The following ATP10A variants were observed in gnomAD, a reference collection of about 807,000 sequenced individuals.
ATP10A encodes the protein phospholipid-transporting ATPase VA.
In ATP10A, 111 loss-of-function variants were observed where a neutral mutation model predicts 147.8. That is an observed-to-expected ratio of 0.75 (90% CI 0.64 to 0.88). The LOEUF (loss-of-function observed/expected upper bound fraction) is 0.88, where lower values mean the gene tolerates loss of function less well. ATP10A is among the 40% of genes least tolerant of loss of function. The probability of loss-of-function intolerance (pLI) is 0.00; values close to 1 mark genes in which losing one functional copy is unlikely to be tolerated. For synonymous variants in ATP10A, 875 were observed against 841.6 expected (o/e 1.04, Z -0.69); for missense variants, 1,927 against 1,959.0 (o/e 0.98, Z 0.31).
rs576037471 is a variant in ATP10A, at chr15:25,679,541, T to C, written c.4300A>G (p.Thr1434Ala). 1 of 1,612,954 alleles carries C rather than the reference T, an allele frequency of 6.2e-7. No homozygotes were observed. The highest frequency in any genetic ancestry group is 1.3e-5 in the African/African-American group (1 of 75,016). The change falls in exon 21 of 21, where the codon ACC becomes GCC. Residue 1434 changes from threonine (T) to alanine (A), a missense_variant. By Grantham distance (58) the Thr-to-Ala change is moderately conservative. Transcript: ENST00000555815. Reference sequence around the variant, plus strand: ...GAAATCCAGTTGAGTAAGCTGAAGGTAGGCAGGCTGAAGAGGGAAGACAGG... The same window carrying C: ...GAAATCCAGTTGAGTAAGCTGAAGGCAGGCAGGCTGAAGAGGGAAGACAGG... ...TPLSSLFSLPTFSLLNWISSW... is the reference protein window; with the variant it reads ...TPLSSLFSLPAFSLLNWISSW...
At chr15:25,681,970 C>T (rs369806118) in intron 17 of ATP10A, among the ~76,000 whole-genome samples, 15 of 148,838 alleles carry the variant, frequency 1.0e-4, no homozygotes, top group African/African-American at 3.5e-4. Flanking sequence ...AGGAGAATGG[C>T]GTGAACCCGG....
rs1893855023 is a variant in ATP10A at position 25,863,188 on chromosome 15, G to C, written c.-92C>G. On this transcript the variant is annotated 5_prime_UTR_variant, in exon 1 of 21. Transcript: ENST00000555815. ...CATCACTCGCGGCCCGGGCGCGGCGGTGCGAGCTCCCCGCCTGCGGGACGC... is the reference window on the plus strand; with the variant it reads ...CATCACTCGCGGCCCGGGCGCGGCGCTGCGAGCTCCCCGCCTGCGGGACGC... 4 of 913,860 alleles carry C rather than the reference G, an allele frequency of 4.4e-6. No individual in the cohort carries two copies. The African/African-American group carries it at 7.1e-5, about 16-fold the overall frequency. The allele number at this position is 913,860 out of a possible 1,614,324, so 56.6% of individuals were successfully genotyped here.
chr15:25,797,458 C>T (rs1890728105), intron 1 of ATP10A, among the ~76,000 whole-genome samples: 1 of 152,182 alleles, frequency 6.6e-6, no homozygotes, highest in Non-Finnish European at 1.5e-5. Flanking sequence ...CCACCCCACC[C>T]TTTCAGAGGT....
At chr15:25,821,939 C>T (rs1891909867) in intron 1 of ATP10A, among the ~76,000 whole-genome samples, 1 of 152,072 alleles carries the variant, frequency 6.6e-6, no homozygotes, top group Admixed American at 6.6e-5. Flanking sequence ...TTCAGTCAAC[C>T]CTCCAGTACG....
At chr15:25,799,985 C>T (rs1226448153) in intron 1 of ATP10A, among the ~76,000 whole-genome samples, 2 of 152,150 alleles carry the variant, frequency 1.3e-5, no homozygotes. Context: ...ACCTCCAACT[C>T]CTTCTCAGTC....
upstream of ATP10A, among the ~76,000 whole-genome samples, chr15:25,864,516 C>T (rs1036781662): frequency 6.6e-6 from 1 of 152,186 alleles, no homozygotes; most frequent in Non-Finnish European, 1.5e-5. Context: ...CCCTGGCTTA[C>T]CCGGCTCCAG....
chr15:25,841,564 A>G (rs1892814286), intron 1 of ATP10A: 2 of 130,172 alleles, frequency 1.5e-5, no homozygotes, highest in African/African-American at 5.6e-5. Context: ...TTCCACGTAG[A>G]ATAAGCTTGT....
chr15:25,822,168 G>A (rs1336736495), intron 1 of ATP10A, among the ~76,000 whole-genome samples: 3 of 152,240 alleles, frequency 2.0e-5, no homozygotes, highest in East Asian at 3.9e-4. Context: ...AGAAAAAAAG[G>A]TCTGTATGTG....
At chr15:25,711,396 C>A (rs556754973) in intron 10 of ATP10A, among the ~76,000 whole-genome samples, 1 of 152,078 alleles carries the variant, frequency 6.6e-6, no homozygotes, top group African/African-American at 2.4e-5. Flanking sequence ...TATCCACACC[C>A]CTCCACCGCT....
At chr15:25,792,625 A>G (rs1327572640) in intron 1 of ATP10A, among the ~76,000 whole-genome samples, 1 of 152,202 alleles carries the variant, frequency 6.6e-6, no homozygotes, top group African/African-American at 2.4e-5. Flanking sequence ...CCCCCCAAGC[A>G]CTGGCCTGGT....
chr15:25,827,307 T>C (rs1047959007), intron 1 of ATP10A, among the ~76,000 whole-genome samples: 3 of 152,206 alleles, frequency 2.0e-5, no homozygotes, highest in Non-Finnish European at 2.9e-5. Context: ...CACTAGACTG[T>C]AACTTGAATA....
chr15:25,791,682 TG>T (rs1187723476), intron 1 of ATP10A, among the ~76,000 whole-genome samples: 1 of 152,140 alleles, frequency 6.6e-6, no homozygotes, highest in Non-Finnish European at 1.5e-5. Context: ...CCACCGTGCC[TG>T]GCCTCCCTCA....
intron 16 of ATP10A, among the ~76,000 whole-genome samples, chr15:25,685,361 C>T (rs1034601940): frequency 6.6e-6 from 1 of 152,180 alleles, no homozygotes; most frequent in Non-Finnish European, 1.5e-5. Context: ...GGGAGGGACT[C>T]ATCGCAGCAG....
In ATP10A at chr15:25,713,826, C is replaced by A. The variant is rs1397447578; in HGVS notation, c.2192G>T (p.Arg731Met). 6.2e-7 allele frequency: 1 copy of A among 1,614,082 alleles called. No individual in the cohort carries two copies. The highest frequency in any genetic ancestry group is 1.1e-5 in the South Asian group (1 of 91,090). ...QVSVELPHLG[R>M]LTFELLHTLG... is the part of the protein sequence containing the mutation. ...TGTGTGCAGGAGCTCGAAGGTGAGC[C>A]TGCCCAGGTGGGGCAGCTCCACTGA... Residue 731 changes from arginine to methionine, a missense_variant, in exon 10 of 21, where the codon AGG becomes ATG. Physicochemically the swap from Arg to Met is moderately conservative, Grantham distance 91. Coordinates refer to ENST00000555815, the MANE Select transcript of ATP10A (RefSeq NM_024490.4).
intron 2 of ATP10A, among the ~76,000 whole-genome samples, chr15:25,768,894 G>A (rs894246622): frequency 7.9e-5 from 12 of 151,850 alleles, no homozygotes. Context: ...AACAAGCAGG[G>A]AACAGGAAAA....
chr15:25,862,476 G>A, intron 1 of ATP10A, 172 bp downstream of exon 1: 1 of 812,144 alleles, frequency 1.2e-6, no homozygotes, highest in Non-Finnish European at 1.9e-6. Context: ...GAGAGGCCTT[G>A]GCGGCGCTGT....
At chr15:25,864,376 G>A (rs978172458), upstream of ATP10A, among the ~76,000 whole-genome samples, 1 of 152,208 alleles carries the variant, frequency 6.6e-6, no homozygotes. Context: ...TGCCCAGGAG[G>A]CCGTGGCTGG....
At chr15:25,750,039 G>A (rs1888064574) in intron 2 of ATP10A, among the ~76,000 whole-genome samples, 1 of 152,046 alleles carries the variant, frequency 6.6e-6, no homozygotes, top group South Asian at 2.1e-4. Flanking sequence ...AGGGTATGAA[G>A]AAATATTTGA....
chr15:25,830,972 G>A (rs914512668), intron 1 of ATP10A, among the ~76,000 whole-genome samples: 17 of 152,258 alleles, frequency 1.1e-4, no homozygotes, highest in Admixed American at 3.3e-4. Flanking sequence ...TGGCTGTGCC[G>A]GGCCTCCCTT....
Sources: gnomAD v4.1 joint callset for allele counts (sites outside exome capture counted in the v4.1 genomes callset) on GRCh38, gnomAD v4.1.1 for gene constraint, MANE v1.5 for transcripts, NCBI Gene and HGNC (gene_info 2026-07-23, HGNC 2026-07-21) for gene names.